The following FBXL17 variants were observed in gnomAD, a reference collection of about 807,000 sequenced individuals.
The protein encoded by FBXL17 is F-box and leucine rich repeat protein 17.
In FBXL17, 22 loss-of-function variants were observed where a neutral mutation model predicts 66.2. That is an observed-to-expected ratio of 0.33 (90% CI 0.24 to 0.47). The LOEUF (loss-of-function observed/expected upper bound fraction) is 0.47. Ranked by LOEUF, FBXL17 falls within the 20% of genes least tolerant of loss-of-function variation. The pLI is 1.00. For missense variants in FBXL17, 878 were observed against 948.2 expected (o/e 0.93, Z 0.97); for synonymous variants, 474 against 400.5 (o/e 1.18, Z -2.19).
chr5:108,031,881 T>C (rs1484050783), intron 6 of FBXL17, among the ~76,000 whole-genome samples: 1 of 152,140 alleles, frequency 6.6e-6, no homozygotes, highest in Non-Finnish European at 1.5e-5. Flanking sequence ...GGTACTGAAG[T>C]TGGGAACTAA....
chr5:107,974,813 T>C (rs1158245669), intron 7 of FBXL17, among the ~76,000 whole-genome samples: 1 of 152,092 alleles, frequency 6.6e-6, no homozygotes, highest in Admixed American at 6.5e-5. Flanking sequence ...CTCAGATTTA[T>C]GGAATGTTTG....
At chr5:108,225,913 T>C (rs2122158) in intron 4 of FBXL17, among the ~76,000 whole-genome samples, 68,583 of 152,048 alleles carry the variant, frequency 0.45, 15,792 homozygotes, top group Non-Finnish European at 0.5. Flanking sequence ...GTATCAACTA[T>C]CATGGCTTTC....
intron 4 of FBXL17, among the ~76,000 whole-genome samples, chr5:108,292,151 C>A (rs140712767): frequency 3.9e-4 from 57 of 145,628 alleles, no homozygotes; most frequent in Non-Finnish European, 7.1e-4. Context: ...GAGACAGTTT[C>A]GCTTTTGTTG....
chr5:108,122,330 G>T (rs897937348), intron 6 of FBXL17, among the ~76,000 whole-genome samples: 1 of 152,100 alleles, frequency 6.6e-6, no homozygotes, highest in African/African-American at 2.4e-5. Flanking sequence ...ACAAAGCCAG[G>T]ATTCAAATTC....
chr5:108,190,933 G>A (rs1292504630), intron 5 of FBXL17, among the ~76,000 whole-genome samples: 55 of 152,224 alleles, frequency 3.6e-4, no homozygotes, highest in Admixed American at 3.3e-3. Context: ...GAGAACTGCA[G>A]ATGCTGGGCA....
chr5:108,095,062 A>G (rs1749319809), intron 6 of FBXL17, among the ~76,000 whole-genome samples: 1 of 152,110 alleles, frequency 6.6e-6, no homozygotes, highest in Non-Finnish European at 1.5e-5. Context: ...CTTTGTATAT[A>G]AGTGAGTCCT....
intron 6 of FBXL17, among the ~76,000 whole-genome samples, chr5:108,155,385 C>T (rs1157865063): frequency 3.9e-5 from 6 of 151,902 alleles, no homozygotes; most frequent in African/African-American, 1.2e-4. Flanking sequence ...CGTGGTGGCA[C>T]GTGCCTGTAA....
At position 108,348,542 on chromosome 5, in the gene FBXL17, C is replaced by G; in HGVS notation, c.1375-12G>C. 1 of 1,603,640 alleles carries G rather than the reference C, an allele frequency of 6.2e-7. No homozygotes were observed. Among genetic ancestry groups the G allele is most frequent in the East Asian group, 2.2e-5 (1 of 44,570 alleles). ...CATTTTGAGCCCAGCTGTAAACAAA[C>G]AGATTTAGCTGAATGCTCAAAAAAT... On this transcript the variant is annotated splice_polypyrimidine_tract_variant and intron_variant, in intron 3 of 8. Transcript: ENST00000542267.
At chr5:107,947,070 C>G (rs1323402190) in intron 7 of FBXL17, among the ~76,000 whole-genome samples, 1 of 152,168 alleles carries the variant, frequency 6.6e-6, no homozygotes, top group African/African-American at 2.4e-5. Flanking sequence ...TTATTTTTCT[C>G]ACCTACGTCT....
intron 7 of FBXL17, among the ~76,000 whole-genome samples, chr5:108,006,656 T>G (rs1460788385): frequency 6.6e-6 from 1 of 152,200 alleles, no homozygotes. Flanking sequence ...TTATAATCAG[T>G]ATTACATACT....
chr5:108,100,420 C>G (rs1031901587), intron 6 of FBXL17, among the ~76,000 whole-genome samples: 3 of 152,114 alleles, frequency 2.0e-5, no homozygotes, highest in Non-Finnish European at 4.4e-5. Context: ...TACATGCTGA[C>G]CTATTTATCC....
At chr5:108,334,376 A>T (rs1760277133) in intron 4 of FBXL17, among the ~76,000 whole-genome samples, 1 of 152,134 alleles carries the variant, frequency 6.6e-6, no homozygotes, top group South Asian at 2.1e-4. Context: ...GTTACTTTTG[A>T]TCTGACACTG....
intron 4 of FBXL17, among the ~76,000 whole-genome samples, chr5:108,277,358 T>TATTAAA (rs1757524191): frequency 6.6e-6 from 1 of 152,154 alleles, no homozygotes; most frequent in South Asian, 2.1e-4. Context: ...AGAATTAACT[T>TATTAAA]CTTATCAACT....
chr5:108,292,419 C>G lies in FBXL17; in HGVS notation c.1506+55980G>C, dbSNP rs547083195. ...TACAGGCATGAGCCACCATGCCTGG[C>G]CCCCCAAAAGCTTTTATAGTCTGTA... On this transcript the variant is annotated intron_variant, in intron 4 of 8. Coordinates refer to ENST00000542267, the MANE Select transcript of FBXL17 (RefSeq NM_001163315.3). 1.1e-4 allele frequency among the ~76,000 whole-genome samples: 16 copies of G among 152,240 alleles called. No individual in the cohort carries two copies. In the South Asian group the frequency reaches 3.3e-3, roughly 32 times the overall value.
intron 6 of FBXL17, among the ~76,000 whole-genome samples, chr5:108,092,545 G>A (rs6894602): frequency 0.042 from 6,405 of 152,096 alleles, 207 homozygotes; most frequent in African/African-American, 0.09. Context: ...TAAACTCCTG[G>A]GCTCAAGCAA....
intron 5 of FBXL17, among the ~76,000 whole-genome samples, chr5:108,198,700 G>C (rs1456831686): frequency 6.6e-6 from 1 of 152,164 alleles, no homozygotes; most frequent in East Asian, 1.9e-4. Flanking sequence ...ACAGTTCCAA[G>C]AGGCAACAGC....
intron 6 of FBXL17, among the ~76,000 whole-genome samples, chr5:108,169,736 C>T (rs1174014661): frequency 1.3e-5 from 2 of 152,102 alleles, no homozygotes; most frequent in Admixed American, 6.6e-5. Flanking sequence ...AATAAATGAA[C>T]TTGAAGATTT....
chr5:107,880,609 A>C (rs1194169586), intron 8 of FBXL17: 3 of 1,096,918 alleles, frequency 2.7e-6, no homozygotes, highest in Non-Finnish European at 3.3e-6. Context: ...TTCAGTACCA[A>C]AATTACACAC....
intron 3 of FBXL17, among the ~76,000 whole-genome samples, chr5:108,350,854 G>A (rs537066124): frequency 1.1e-4 from 16 of 152,112 alleles, no homozygotes; most frequent in Non-Finnish European, 2.1e-4. Context: ...TATAAAACAC[G>A]AGAATACACC....
Sources: allele counts gnomAD v4.1 joint callset (sites outside exome capture counted in the v4.1 genomes callset), GRCh38; gene constraint gnomAD v4.1.1; transcripts MANE v1.5; gene names NCBI Gene and HGNC (gene_info 2026-07-23, HGNC 2026-07-21).